The following GLIS3 variants were observed in gnomAD, a reference collection of about 807,000 sequenced individuals.
GLIS3 encodes the protein zinc finger protein GLIS3.
A neutral mutation model predicts 78.6 loss-of-function variants in GLIS3; 53 were observed. The ratio of observed to expected loss-of-function variants is 0.67; its 90% CI spans 0.54 to 0.85. The LOEUF (loss-of-function observed/expected upper bound fraction) is 0.85, where lower values mean the gene tolerates loss of function less well. Among genes scored for constraint, GLIS3 ranks in the 40% least tolerant of loss-of-function variants. The pLI is 0.00. For missense variants in GLIS3, 1,703 were observed against 1,231.1 expected, an observed-to-expected ratio of 1.38 and a Z score of -5.74; for synonymous variants, 684 against 509.9, an observed-to-expected ratio of 1.34 and a Z score of -4.60.
In GLIS3 at chr9:4,117,859, C is replaced by T; in HGVS notation, c.1619G>A (p.Gly540Asp). Residue 540 changes from glycine to aspartate, a missense_variant, in exon 4 of 11, where the codon GGT (glycine) becomes GAT (aspartate). Transcript: ENST00000381971. ...KGEDFTCFWA[G>D]CPRRYKPFNA... ...GAAGGGCTTGTATCTTCGAGGGCAA[C>T]CGGCCCAGAAGCAAGTGAAGTCCTC... 6.2e-7 allele frequency: 1 copy of T among 1,614,140 alleles called. No individual in the cohort carries two copies. Among genetic ancestry groups the T allele is most frequent in the Non-Finnish European group, 8.5e-7 (1 of 1,180,032 alleles).
intron 2 of GLIS3, among the ~76,000 whole-genome samples, chr9:4,195,339 C>T (rs1054201031): frequency 1.2e-4 from 19 of 152,100 alleles, no homozygotes; most frequent in African/African-American, 4.6e-4. Context: ...ACGGTGCTCG[C>T]AGGCCAGCGC....
chr9:4,288,987 T>C (rs1828227419), intron 1 of GLIS3, among the ~76,000 whole-genome samples: 1 of 152,156 alleles, frequency 6.6e-6, no homozygotes, highest in African/African-American at 2.4e-5. Context: ...TTCATCTATT[T>C]ATATGATAAT....
chr9:4,476,622 T>C, the GLIS3 span, among the ~76,000 whole-genome samples: 1 of 151,910 alleles, frequency 6.6e-6, no homozygotes, highest in African/African-American at 2.4e-5. Flanking sequence ...TCAGCCTCCC[T>C]AATTGCTGGG....
At chr9:3,829,988 CTTA>C (rs1247536822) in intron 9 of GLIS3, among the ~76,000 whole-genome samples, 1 of 152,110 alleles carries the variant, frequency 6.6e-6, no homozygotes, top group Non-Finnish European at 1.5e-5. Flanking sequence ...ACATTTAGAT[CTTA>C]TTATCCTGGC....
At chr9:4,164,904 G>A (rs1356888524) in intron 2 of GLIS3, among the ~76,000 whole-genome samples, 1 of 152,182 alleles carries the variant, frequency 6.6e-6, no homozygotes, top group Non-Finnish European at 1.5e-5. Context: ...AAAGATAGCA[G>A]AGCAGCTGGA....
intron 2 of GLIS3, among the ~76,000 whole-genome samples, chr9:4,175,536 G>A (rs1180513309): frequency 1.3e-5 from 2 of 152,120 alleles, no homozygotes; most frequent in African/African-American, 2.4e-5. Context: ...CACACACGAG[G>A]TTCTTAACCG....
the GLIS3 span, among the ~76,000 whole-genome samples, chr9:4,426,798 C>T: frequency 5.0e-4 from 76 of 152,292 alleles, no homozygotes; most frequent in African/African-American, 1.7e-3. Flanking sequence ...AAAATGGAGA[C>T]AATAATAGCT....
At chr9:3,916,243 G>A (rs936034130) in intron 6 of GLIS3, among the ~76,000 whole-genome samples, 7 of 152,064 alleles carry the variant, frequency 4.6e-5, no homozygotes, top group East Asian at 1.9e-4. Flanking sequence ...TGTGAAATAC[G>A]GGCGACTTAA....
At chr9:4,332,592 C>A (rs559427113) in intron 2 of GLIS3, among the ~76,000 whole-genome samples, 1 of 152,318 alleles carries the variant, frequency 6.6e-6, no homozygotes, top group East Asian at 1.9e-4. Flanking sequence ...GCAGACCAGC[C>A]CACCTGGGGC....
chr9:4,166,225 G>A (rs757962524), intron 2 of GLIS3, among the ~76,000 whole-genome samples: 57 of 152,144 alleles, frequency 3.7e-4, no homozygotes, highest in African/African-American at 5.8e-4. Flanking sequence ...TAATCAATAC[G>A]TTTATTAAGA....
chr9:4,297,918 G>A (rs952475776), intron 1 of GLIS3, among the ~76,000 whole-genome samples: 114 of 151,962 alleles, frequency 7.5e-4, no homozygotes, highest in Middle Eastern at 3.4e-3. Flanking sequence ...GCCGGGGTCG[G>A]AGATTCCTCG....
At chr9:3,995,004 C>A (rs373408680) in intron 4 of GLIS3, among the ~76,000 whole-genome samples, 58 of 152,110 alleles carry the variant, frequency 3.8e-4, no homozygotes, top group African/African-American at 1.4e-3. Context: ...TTCTAAGGGG[C>A]CAGTTGAGAA....
At chr9:4,290,932 T>C (rs934552155) in intron 1 of GLIS3, among the ~76,000 whole-genome samples, 2 of 152,164 alleles carry the variant, frequency 1.3e-5, no homozygotes, top group African/African-American at 4.8e-5. Flanking sequence ...TATTATGATA[T>C]GATAACCCAT....
At chr9:4,158,858 C>A (rs1446231589) in intron 2 of GLIS3, among the ~76,000 whole-genome samples, 1 of 152,008 alleles carries the variant, frequency 6.6e-6, no homozygotes, top group African/African-American at 2.4e-5. Flanking sequence ...GGAGGCTACT[C>A]TGAACTGAGT....
chr9:4,335,851 C>A (rs1817748078), intron 2 of GLIS3, among the ~76,000 whole-genome samples: 1 of 152,172 alleles, frequency 6.6e-6, no homozygotes, highest in Non-Finnish European at 1.5e-5. Context: ...TGATTCTTCC[C>A]TCATTCCAGC....
chr9:3,861,839 A>G (rs1820233237), intron 8 of GLIS3, among the ~76,000 whole-genome samples: 1 of 152,198 alleles, frequency 6.6e-6, no homozygotes, highest in African/African-American at 2.4e-5. Context: ...TGCGGGGCTT[A>G]ATACTTAGGT....
chr9:4,312,463 G>A (rs950138942), intron 2 of GLIS3, among the ~76,000 whole-genome samples: 1 of 152,140 alleles, frequency 6.6e-6, no homozygotes, highest in Non-Finnish European at 1.5e-5. Flanking sequence ...GTGAGACTTT[G>A]TCTCAAAAAG....
At chr9:4,209,106 T>C (rs1820142115) in intron 2 of GLIS3, among the ~76,000 whole-genome samples, 3 of 152,156 alleles carry the variant, frequency 2.0e-5, no homozygotes. Context: ...ATTACGTAAG[T>C]CCTAAGATTT....
At chr9:4,397,678 AAGGGAGGGAGGGAGGGAGGGAGGG>A in the GLIS3 span, among the ~76,000 whole-genome samples, 1 of 42,532 alleles carries the variant, frequency 2.4e-5, no homozygotes, top group African/African-American at 1.5e-4. Flanking sequence ...GGGAGGGAGG[AAGGGAGGGAGGGAGGGAGGGAGGG>A]AGGAAGGCAG....
Sources: allele counts gnomAD v4.1 joint callset (sites outside exome capture counted in the v4.1 genomes callset), GRCh38; gene constraint gnomAD v4.1.1; transcripts MANE v1.5; gene names NCBI Gene and HGNC (gene_info 2026-07-23, HGNC 2026-07-21).